Variants in PDE7A observed in about 807,000 individuals in gnomAD.
PDE7A encodes high affinity 3',5'-cyclic-AMP phosphodiesterase 7A.
Under a neutral mutation model 64.3 loss-of-function variants are expected in PDE7A, and 39 were observed. That is an observed-to-expected ratio of 0.61 (90% confidence interval 0.47 to 0.79). The LOEUF is 0.79. Among genes scored for constraint, PDE7A ranks in the 30% least tolerant of loss-of-function variants. PDE7A has a pLI of 0.00. For missense variants in PDE7A, 470 were observed against 582.8 expected (o/e 0.81, Z 1.99); for synonymous variants, 203 against 206.8 (o/e 0.98, Z 0.16).
Position 65,717,921 on chromosome 8 carries a change from A to G in PDE7A, c.*1369T>C, listed in dbSNP as rs1302464650. On this transcript the variant is annotated 3_prime_UTR_variant, in exon 13 of 13. Coordinates refer to ENST00000401827, the MANE Select transcript of PDE7A (RefSeq NM_001242318.3). The stretch of plus-strand genomic sequence containing the variant: ...TAGATTACAGTTGTGCTTACTATAC[A>G]TAAAACAATTTAAAACAAATTACAA... 6.6e-6 allele frequency: 1 copy of G among 152,258 alleles called. No homozygotes were observed. The highest frequency in any genetic ancestry group is 1.9e-4 in the East Asian group (1 of 5,202). The allele number at this position is 152,258 out of a possible 1,614,324, so 9.4% of individuals were successfully genotyped here. A position where few individuals can be genotyped will look rare whatever the true frequency, so the allele number is the denominator to read the frequency against.
At chr8:65,815,905 CACTT>C (rs1237225355) in intron 1 of PDE7A, among the ~76,000 whole-genome samples, 1 of 152,188 alleles carries the variant, frequency 6.6e-6, no homozygotes, top group Non-Finnish European at 1.5e-5. Flanking sequence ...AGATTTTCTT[CACTT>C]ACTTCAGCCA....
At chr8:65,734,113 C>T (rs1191974346) in intron 7 of PDE7A, among the ~76,000 whole-genome samples, 1 of 152,188 alleles carries the variant, frequency 6.6e-6, no homozygotes, top group Non-Finnish European at 1.5e-5. Flanking sequence ...ACATTTAATA[C>T]CACGGATCCA....
chr8:65,774,344 TA>T (rs1809197459), intron 3 of PDE7A, among the ~76,000 whole-genome samples: 1 of 152,172 alleles, frequency 6.6e-6, no homozygotes, highest in Non-Finnish European at 1.5e-5. Flanking sequence ...ATTTGCTTTA[TA>T]AAATTACTCT....
At chr8:65,765,027 C>G (rs1016581841) in intron 3 of PDE7A, among the ~76,000 whole-genome samples, 1 of 152,124 alleles carries the variant, frequency 6.6e-6, no homozygotes, top group Non-Finnish European at 1.5e-5. Flanking sequence ...TAAAAATATA[C>G]TCAGTCTCTA....
At chr8:65,730,400 G>A (rs529449610) in intron 7 of PDE7A, among the ~76,000 whole-genome samples, 21 of 151,162 alleles carry the variant, frequency 1.4e-4, no homozygotes, top group Admixed American at 3.9e-4. Context: ...GGCTGGTCTC[G>A]AACTCCCAAC....
intron 7 of PDE7A, among the ~76,000 whole-genome samples, chr8:65,731,188 A>G (rs1806872518): frequency 6.6e-6 from 1 of 152,120 alleles, no homozygotes; most frequent in African/African-American, 2.4e-5. Flanking sequence ...CAAAATTCCT[A>G]TCTTACTCAT....
intron 1 of PDE7A, among the ~76,000 whole-genome samples, chr8:65,821,255 A>C (rs903922060): frequency 6.6e-6 from 1 of 152,194 alleles, no homozygotes; most frequent in South Asian, 2.1e-4. Flanking sequence ...AGATATGAGA[A>C]CCAGACCTAA....
intron 1 of PDE7A, among the ~76,000 whole-genome samples, chr8:65,839,754 A>T (rs1171153841): frequency 6.6e-6 from 1 of 152,218 alleles, no homozygotes; most frequent in Non-Finnish European, 1.5e-5. Flanking sequence ...ATGAATCAAG[A>T]AGTGGAGCTT....
chr8:65,715,530 A>C lies in PDE7A; in HGVS notation c.*3760T>G, dbSNP rs1435607382. ...GTAGCTGGGATTACAGGAATGCGCCACCACGCCCAGCTAATTTTTGCATTT... is the reference window on the plus strand; with the variant it reads ...GTAGCTGGGATTACAGGAATGCGCCCCCACGCCCAGCTAATTTTTGCATTT... On this transcript the variant is annotated 3_prime_UTR_variant, in exon 13 of 13. Coordinates refer to ENST00000401827, the MANE Select transcript of PDE7A (RefSeq NM_001242318.3). 6.6e-5 allele frequency among the ~76,000 whole-genome samples: 10 copies of C among 151,670 alleles called. No homozygotes were observed. Among genetic ancestry groups the C allele is most frequent in the African/African-American group, 2.4e-4 (10 of 41,336 alleles).
chr8:65,736,321 A>G (rs1807126080), intron 6 of PDE7A, among the ~76,000 whole-genome samples: 2 of 152,218 alleles, frequency 1.3e-5, no homozygotes, highest in African/African-American at 4.8e-5. Flanking sequence ...TGAATTGTTT[A>G]CTTCTGGAAT....
intron 3 of PDE7A, among the ~76,000 whole-genome samples, chr8:65,779,149 A>G (rs1287770251): frequency 1.3e-5 from 2 of 152,130 alleles, no homozygotes; most frequent in Non-Finnish European, 2.9e-5. Context: ...CATCAATCCA[A>G]ATTACTTTAG....
At chr8:65,814,107 A>G (rs1424465210) in intron 1 of PDE7A, among the ~76,000 whole-genome samples, 1 of 152,210 alleles carries the variant, frequency 6.6e-6, no homozygotes. Context: ...CCAATGCAGT[A>G]ACACAGATGC....
chr8:65,739,341 C>A (rs915648427), intron 6 of PDE7A, among the ~76,000 whole-genome samples, 161 bp downstream of exon 6: 13 of 152,126 alleles, frequency 8.5e-5, no homozygotes, highest in Non-Finnish European at 2.9e-5. Context: ...ATTTAACAGC[C>A]CCACAGATGC....
chr8:65,714,671 A>C lies in PDE7A; in HGVS notation c.*4619T>G, dbSNP rs1433956222. 1 of 152,216 alleles carries C rather than the reference A, an allele frequency of 6.6e-6. No individual in the cohort carries two copies. Among genetic ancestry groups the C allele is most frequent in the Non-Finnish European group, 1.5e-5 (1 of 68,036 alleles). The allele number at this position is 152,216 out of a possible 1,614,324, so 9.4% of individuals were successfully genotyped here. On this transcript the variant is annotated 3_prime_UTR_variant, in exon 13 of 13. Coordinates refer to ENST00000401827, the MANE Select transcript of PDE7A (RefSeq NM_001242318.3). Reference sequence around the variant, plus strand: ...CTGTGTATTTTCTCAATCAGGAGATACCGATTGAGGGGATTTTAAACAACA... The same window carrying C: ...CTGTGTATTTTCTCAATCAGGAGATCCCGATTGAGGGGATTTTAAACAACA...
At chr8:65,751,257 G>A (rs1464026698) in intron 3 of PDE7A, among the ~76,000 whole-genome samples, 1 of 152,190 alleles carries the variant, frequency 6.6e-6, no homozygotes, top group Non-Finnish European at 1.5e-5. Context: ...AGATTTAATA[G>A]AGGACCAGAA....
At chr8:65,775,918 A>G (rs935736092) in intron 3 of PDE7A, among the ~76,000 whole-genome samples, 1 of 152,104 alleles carries the variant, frequency 6.6e-6, no homozygotes, top group African/African-American at 2.4e-5. Flanking sequence ...GTGAGCCACC[A>G]TGCCCGGCCT....
In PDE7A at chr8:65,774,977, C is replaced by T. The variant is rs997090132; in HGVS notation, c.283+4743G>A. On this transcript the variant is annotated intron_variant, in intron 3 of 12. Coordinates refer to ENST00000401827, the MANE Select transcript of PDE7A (RefSeq NM_001242318.3). ...AAAATAGTTTTAACCTCACAGACCG[C>T]ACTTTAAGTACTGCTGGATTAATTT... 2.6e-5 allele frequency among the ~76,000 whole-genome samples: 4 copies of T among 152,284 alleles called. No individual in the cohort carries two copies. The East Asian group carries it at 7.7e-4, about 29-fold the overall frequency.
chr8:65,730,171 C>CTTTT (rs1179431555), intron 7 of PDE7A, among the ~76,000 whole-genome samples: 1,438 of 86,304 alleles, frequency 0.017, 301 homozygotes, highest in African/African-American at 0.057. Context: ...TTGCGCACTT[C>CTTTT]TTTTTTTTTT....
At chr8:65,833,214 T>G (rs1810873574) in intron 1 of PDE7A, among the ~76,000 whole-genome samples, 1 of 152,280 alleles carries the variant, frequency 6.6e-6, no homozygotes, top group Non-Finnish European at 1.5e-5. Context: ...TCCATCTCTA[T>G]CCCTGCTGGC....
Sources: gnomAD v4.1 joint callset for allele counts (sites outside exome capture counted in the v4.1 genomes callset) on GRCh38, gnomAD v4.1.1 for gene constraint, MANE v1.5 for transcripts, NCBI Gene and HGNC (gene_info 2026-07-23, HGNC 2026-07-21) for gene names.